ASTN2: variants seen among roughly 807,000 people sequenced by gnomAD.
ASTN2 encodes astrotactin-2.
In ASTN2, 54 loss-of-function variants were observed where a neutral mutation model predicts 139.8. The ratio of observed to expected loss-of-function variants is 0.39; its 90% CI spans 0.31 to 0.48. The LOEUF (loss-of-function observed/expected upper bound fraction) is 0.48. ASTN2 is among the 20% of genes least tolerant of loss of function. The pLI is 0.95. For missense variants in ASTN2, 1,565 were observed against 1,725.1 expected (o/e 0.91, Z 1.64); for synonymous variants, 756 against 719.5 (o/e 1.05, Z -0.81).
At chr9:116,791,629 T>G (rs1830561785) in intron 13 of ASTN2, among the ~76,000 whole-genome samples, 1 of 152,238 alleles carries the variant, frequency 6.6e-6, no homozygotes, top group South Asian at 2.1e-4. Flanking sequence ...TTACAATTGC[T>G]CTGCTAATTA....
At chr9:116,436,002 C>T (rs564735185) in intron 22 of ASTN2, among the ~76,000 whole-genome samples, 1 of 152,334 alleles carries the variant, frequency 6.6e-6, no homozygotes, top group South Asian at 2.1e-4. Flanking sequence ...TGTCCATTCA[C>T]ATGCCAAATG....
chr9:116,903,437 T>TA (rs1834071850), intron 10 of ASTN2, among the ~76,000 whole-genome samples: 1 of 152,202 alleles, frequency 6.6e-6, no homozygotes, highest in Non-Finnish European at 1.5e-5. Context: ...CAACAGTATC[T>TA]CCCATCTCAC....
At chr9:116,526,783 T>A (rs1342094621) in intron 19 of ASTN2, among the ~76,000 whole-genome samples, 1 of 152,174 alleles carries the variant, frequency 6.6e-6, no homozygotes, top group Admixed American at 6.5e-5. Context: ...CAGCCCGATA[T>A]CTGTATCCTA....
intron 17 of ASTN2, among the ~76,000 whole-genome samples, chr9:116,650,915 C>G (rs552307405): frequency 6.7e-6 from 1 of 149,630 alleles, no homozygotes; most frequent in South Asian, 2.1e-4. Flanking sequence ...AGTCCCTGCA[C>G]TACTTTTTTT....
chr9:117,405,942 G>T (rs1830973595), intron 1 of ASTN2, among the ~76,000 whole-genome samples: 1 of 152,200 alleles, frequency 6.6e-6, no homozygotes, highest in Admixed American at 6.5e-5. Context: ...AGCAGCAATG[G>T]CTATGGGTGC....
At chr9:116,545,363 A>G (rs1444111972) in intron 19 of ASTN2, among the ~76,000 whole-genome samples, 2 of 152,242 alleles carry the variant, frequency 1.3e-5, no homozygotes, top group African/African-American at 4.8e-5. Flanking sequence ...ACCATTCTAT[A>G]CAAAATGCTT....
intron 2 of ASTN2, among the ~76,000 whole-genome samples, chr9:117,272,058 G>T (rs1275751061): frequency 6.6e-6 from 1 of 152,200 alleles, no homozygotes. Flanking sequence ...CACTCCCATA[G>T]CAGAGGTTCT....
At chr9:116,570,944 T>C (rs1317033405) in intron 19 of ASTN2, among the ~76,000 whole-genome samples, 1 of 152,230 alleles carries the variant, frequency 6.6e-6, no homozygotes, top group Non-Finnish European at 1.5e-5. Context: ...AAAAAAGGTA[T>C]ATTTTTAAAA....
chr9:116,949,155 T>C (rs1835488408), intron 10 of ASTN2, among the ~76,000 whole-genome samples: 2 of 152,044 alleles, frequency 1.3e-5, no homozygotes, highest in African/African-American at 4.8e-5. Flanking sequence ...AAACTCTTAA[T>C]ATACACTCTG....
chr9:116,648,544 C>G (rs1393496806), intron 17 of ASTN2, among the ~76,000 whole-genome samples: 3 of 152,078 alleles, frequency 2.0e-5, no homozygotes, highest in Non-Finnish European at 2.9e-5. Context: ...TGGAGACATA[C>G]ACATATGTAT....
chr9:117,200,002 T>C (rs978562442), intron 3 of ASTN2, among the ~76,000 whole-genome samples: 1 of 152,034 alleles, frequency 6.6e-6, no homozygotes, highest in Non-Finnish European at 1.5e-5. Flanking sequence ...CCTGAGACTT[T>C]GCTGACATTG....
At chr9:117,251,761 C>T (rs1263182358) in intron 2 of ASTN2, among the ~76,000 whole-genome samples, 2 of 152,076 alleles carry the variant, frequency 1.3e-5, no homozygotes, top group East Asian at 3.9e-4. Flanking sequence ...ACCTGGAGGC[C>T]AGGACAGTGA....
At chr9:116,948,500 A>C (rs1835460538) in intron 10 of ASTN2, among the ~76,000 whole-genome samples, 1 of 152,104 alleles carries the variant, frequency 6.6e-6, no homozygotes, top group African/African-American at 2.4e-5. Flanking sequence ...TTACTGGTAT[A>C]ACTTTAATTT....
chr9:116,728,872 G>C (rs1828702374), intron 15 of ASTN2, 120 bp downstream of exon 15: 1 of 783,552 alleles, frequency 1.3e-6, no homozygotes, highest in Non-Finnish European at 2.1e-6. Flanking sequence ...TGGCAGAGAG[G>C]ATGCATCCTC....
intron 11 of ASTN2, among the ~76,000 whole-genome samples, chr9:116,863,098 G>A (rs1832932542): frequency 6.6e-6 from 1 of 152,116 alleles, no homozygotes; most frequent in African/African-American, 2.4e-5. Flanking sequence ...CCTAATGTAA[G>A]TTGACTCATC....
intron 19 of ASTN2, among the ~76,000 whole-genome samples, chr9:116,501,278 C>T (rs1454722584): frequency 6.6e-6 from 1 of 152,166 alleles, no homozygotes; most frequent in Non-Finnish European, 1.5e-5. Flanking sequence ...ATCCATGTCC[C>T]TACAAAGGAC....
At chr9:116,759,543 T>G (rs1021628479) in intron 13 of ASTN2, among the ~76,000 whole-genome samples, 3 of 152,134 alleles carry the variant, frequency 2.0e-5, no homozygotes, top group Admixed American at 2.0e-4. Context: ...ACTTGGCTAG[T>G]GAGAAATATA....
chr9:116,869,305 T>C (rs1465528033), intron 10 of ASTN2, among the ~76,000 whole-genome samples: 1 of 152,224 alleles, frequency 6.6e-6, no homozygotes, highest in Non-Finnish European at 1.5e-5. Context: ...GGCCACGTTC[T>C]GAATTTCTGG....
In ASTN2 at chr9:116,476,087, C is replaced by T. The variant is rs146011296; in HGVS notation, c.3497+11272G>A. Among the ~76,000 whole-genome samples the T allele has an allele frequency of 1.5e-3, 230 of 152,222 alleles. 1 individual carries two copies. Among genetic ancestry groups the T allele is most frequent in the South Asian group, 6.0e-3 (29 of 4,818 alleles). On this transcript the variant is annotated intron_variant, in intron 20 of 22. Coordinates refer to ENST00000313400, the MANE Select transcript of ASTN2 (RefSeq NM_001365068.1). ...GCTAGACGTGTGAAATCATGGCATC[C>T]GCAGGGCCATGCTTCCTCTGAAGGC...
Sources: allele counts gnomAD v4.1 joint callset (sites outside exome capture counted in the v4.1 genomes callset), GRCh38; gene constraint gnomAD v4.1.1; transcripts MANE v1.5; gene names NCBI Gene and HGNC (gene_info 2026-07-23, HGNC 2026-07-21).